Variants in PDE1A observed in about 807,000 individuals in gnomAD.
PDE1A encodes the protein dual specificity calcium/calmodulin-dependent 3',5'-cyclic nucleotide phosphodiesterase 1A.
Under a neutral mutation model 61.7 loss-of-function variants are expected in PDE1A, and 35 were observed. The ratio of observed to expected loss-of-function variants is 0.57; its 90% CI spans 0.43 to 0.75. The LOEUF is 0.75. Among genes scored for constraint, PDE1A ranks in the 30% least tolerant of loss-of-function variants. The pLI is 0.00. For missense variants in PDE1A, 597 were observed against 630.6 expected (o/e 0.95, Z 0.57); for synonymous variants, 232 against 213.2 (o/e 1.09, Z -0.77).
chr2:182,681,727 G>A, the PDE1A span, among the ~76,000 whole-genome samples: 1 of 152,020 alleles, frequency 6.6e-6, no homozygotes, highest in Non-Finnish European at 1.5e-5. Flanking sequence ...CTCACTGCAA[G>A]CTCCACCTTC....
At chr2:182,709,814 G>C in the PDE1A span, among the ~76,000 whole-genome samples, 1 of 152,222 alleles carries the variant, frequency 6.6e-6, no homozygotes, top group African/African-American at 2.4e-5. Context: ...ATCTGAAGTA[G>C]AGATGTGTCT....
chr2:182,190,117 T>C (rs969445819), intron 10 of PDE1A, among the ~76,000 whole-genome samples: 1 of 152,236 alleles, frequency 6.6e-6, no homozygotes, highest in African/African-American at 2.4e-5. Context: ...GAGAATATCT[T>C]CTAGAGCAGT....
the PDE1A span, among the ~76,000 whole-genome samples, chr2:182,574,780 C>T: frequency 6.6e-6 from 1 of 152,140 alleles, no homozygotes; most frequent in Non-Finnish European, 1.5e-5. Context: ...TAAGCTCTGC[C>T]TCCAGTTTCA....
At chr2:182,271,414 T>G (rs531714504) in intron 1 of PDE1A, among the ~76,000 whole-genome samples, 216 of 152,214 alleles carry the variant, frequency 1.4e-3, no homozygotes, top group African/African-American at 4.9e-3. Flanking sequence ...TGAAAAAAAC[T>G]CTTTTAAGTA....
chr2:182,424,805 T>C (rs943676385), intron 1 of PDE1A, among the ~76,000 whole-genome samples: 3 of 152,220 alleles, frequency 2.0e-5, no homozygotes, highest in African/African-American at 4.8e-5. Flanking sequence ...ATGTGCCAGA[T>C]GACCAATAAA....
At chr2:182,263,848 T>C (rs1692407052) in intron 2 of PDE1A, among the ~76,000 whole-genome samples, 1 of 152,174 alleles carries the variant, frequency 6.6e-6, no homozygotes, top group Non-Finnish European at 1.5e-5. Context: ...GGATGCCCCT[T>C]AGCAATCCCT....
the PDE1A span, among the ~76,000 whole-genome samples, chr2:182,680,443 A>C: frequency 1.3e-5 from 2 of 152,192 alleles, no homozygotes; most frequent in African/African-American, 4.8e-5. Flanking sequence ...AGTTTCACCA[A>C]GTTGCCCAGG....
At chr2:182,354,365 C>CT (rs1699060111) in intron 1 of PDE1A, among the ~76,000 whole-genome samples, 1 of 152,108 alleles carries the variant, frequency 6.6e-6, no homozygotes, top group Non-Finnish European at 1.5e-5. Context: ...GGGGCACATC[C>CT]TATCAATCCT....
chr2:182,478,085 C>A (rs1214120909), intron 2 of PDE1A, among the ~76,000 whole-genome samples: 1 of 151,864 alleles, frequency 6.6e-6, no homozygotes, highest in Non-Finnish European at 1.5e-5. Context: ...AAAGAAGCAG[C>A]TCAAACCAGT....
intron 1 of PDE1A, among the ~76,000 whole-genome samples, chr2:182,297,654 C>T (rs1387738238): frequency 3.9e-5 from 6 of 152,206 alleles, no homozygotes; most frequent in Admixed American, 6.5e-5. Context: ...ATCTGTTCAG[C>T]CTTTACCATT....
At chr2:182,690,659 A>C in the PDE1A span, among the ~76,000 whole-genome samples, 3 of 152,208 alleles carry the variant, frequency 2.0e-5, no homozygotes, top group Non-Finnish European at 4.4e-5. Flanking sequence ...TATTCAACAT[A>C]GTGTTGGAAG....
chr2:182,529,588 C>A, the PDE1A span, among the ~76,000 whole-genome samples: 2 of 152,090 alleles, frequency 1.3e-5, no homozygotes, highest in East Asian at 3.9e-4. Flanking sequence ...AGTGAGACCA[C>A]GAGGTTTGGG....
chr2:182,335,401 A>G (rs1225163024), intron 1 of PDE1A, among the ~76,000 whole-genome samples: 1 of 152,228 alleles, frequency 6.6e-6, no homozygotes, highest in Non-Finnish European at 1.5e-5. Context: ...ACAGCATGGT[A>G]CTGATACCAA....
At chr2:182,197,129 TATATG>T (rs924105989) in intron 10 of PDE1A, among the ~76,000 whole-genome samples, 5 of 151,916 alleles carry the variant, frequency 3.3e-5, no homozygotes, top group African/African-American at 9.7e-5. Context: ...CTCATGGGGC[TATATG>T]ATATTTCATT....
chr2:182,345,706 C>T lies in PDE1A; in HGVS notation c.53+80872G>A, dbSNP rs187427231. 1.2e-3 allele frequency among the ~76,000 whole-genome samples: 181 copies of T among 152,224 alleles called. 1 individual carries two copies. The highest frequency in any genetic ancestry group is 4.1e-3 in the African/African-American group (172 of 41,554). ...GTTTCCTCTGCCAGGAATACTCTTC[C>T]CCCAGGTTCTGTGTGGCTTGTTCCC... On this transcript the variant is annotated intron_variant, in intron 1 of 13. Coordinates refer to ENST00000351439, the Ensembl canonical transcript of PDE1A.
At chr2:182,518,658 G>A (rs537262662) in intron 2 of PDE1A, among the ~76,000 whole-genome samples, 1 of 152,252 alleles carries the variant, frequency 6.6e-6, no homozygotes, top group South Asian at 2.1e-4. Context: ...AAAACTGAAG[G>A]AACTGGGGCA....
At chr2:182,408,080 G>A (rs1702403106) in intron 1 of PDE1A, among the ~76,000 whole-genome samples, 1 of 151,648 alleles carries the variant, frequency 6.6e-6, no homozygotes, top group Non-Finnish European at 1.5e-5. Flanking sequence ...AGGAGACCAG[G>A]GAGATCTTAC....
intron 13 of PDE1A, among the ~76,000 whole-genome samples, chr2:182,179,432 A>C (rs1259197532): frequency 6.6e-6 from 1 of 152,220 alleles, no homozygotes; most frequent in Non-Finnish European, 1.5e-5. Context: ...AAAACAGACA[A>C]AACTAAATTA....
At chr2:182,317,613 C>T (rs1382728789) in intron 1 of PDE1A, among the ~76,000 whole-genome samples, 3 of 152,028 alleles carry the variant, frequency 2.0e-5, no homozygotes, top group Non-Finnish European at 4.4e-5. Context: ...GTGATGTGTC[C>T]GAAAGCCTGA....
Sources: gnomAD v4.1 joint callset for allele counts (sites outside exome capture counted in the v4.1 genomes callset) on GRCh38, gnomAD v4.1.1 for gene constraint, MANE v1.5 for transcripts, NCBI Gene and HGNC (gene_info 2026-07-23, HGNC 2026-07-21) for gene names.